The following RUNX1 variants were observed in gnomAD, a reference collection of about 807,000 sequenced individuals.
RUNX1 encodes RUNX family transcription factor 1, also known as runt-related transcription factor 1.
A neutral mutation model predicts 42.8 loss-of-function variants in RUNX1; 19 were observed. The ratio of observed to expected loss-of-function variants is 0.44; its 90% CI spans 0.31 to 0.65. The LOEUF (loss-of-function observed/expected upper bound fraction) is 0.65. Ranked by LOEUF, RUNX1 falls within the 30% of genes least tolerant of loss-of-function variation. RUNX1 has a pLI of 0.07. For synonymous variants in RUNX1, 271 were observed against 289.4 expected (o/e 0.94, Z 0.64); for missense variants, 528 against 672.0 (o/e 0.79, Z 2.37).
At chr21:34,951,372 T>C (rs2058605946) in intron 2 of RUNX1, among the ~76,000 whole-genome samples, 2 of 152,226 alleles carry the variant, frequency 1.3e-5, no homozygotes, top group South Asian at 4.1e-4. Context: ...TTTAATTAGA[T>C]CCCATTTGTC....
intron 5 of RUNX1, among the ~76,000 whole-genome samples, chr21:34,876,103 C>T (rs1569075643): frequency 6.6e-6 from 1 of 152,182 alleles, no homozygotes; most frequent in Non-Finnish European, 1.5e-5. Context: ...AGAAACTCAA[C>T]GCCATCCTGA....
At chr21:34,886,731 C>CG (rs2057994186) in intron 4 of RUNX1, 112 bp downstream of exon 4, 46 of 1,534,556 alleles carry the variant, frequency 3.0e-5, no homozygotes, top group Admixed American at 5.6e-5. Flanking sequence ...CCCGGGGCTG[C>CG]GGGGGCCCCT....
intron 2 of RUNX1, among the ~76,000 whole-genome samples, chr21:34,995,776 C>T (rs1231071937): frequency 6.6e-6 from 1 of 152,156 alleles, no homozygotes; most frequent in East Asian, 1.9e-4. Flanking sequence ...TCTTTAGATA[C>T]TGCAGTTTAC....
chr21:34,969,931 A>G (rs1244809579), intron 2 of RUNX1, among the ~76,000 whole-genome samples: 1 of 152,240 alleles, frequency 6.6e-6, no homozygotes, highest in East Asian at 1.9e-4. Flanking sequence ...TTTACAAGGT[A>G]TGGATCATAT....
chr21:34,967,353 G>GAAGAATAGC (rs1223779716), intron 2 of RUNX1, among the ~76,000 whole-genome samples: 1 of 56,772 alleles, frequency 1.8e-5, no homozygotes, highest in East Asian at 6.5e-4. Flanking sequence ...AAAAAAAAAA[G>GAAGAATAGC]AAGAATAGCG....
At chr21:34,803,785 G>A (rs1207470235) in intron 7 of RUNX1, among the ~76,000 whole-genome samples, 2 of 152,180 alleles carry the variant, frequency 1.3e-5, no homozygotes, top group African/African-American at 4.8e-5. Flanking sequence ...GTAGAGTTGA[G>A]GTTAGTGGTG....
In RUNX1 at chr21:34,990,953, T is replaced by A. The variant is rs535387322; in HGVS notation, c.58+57889A>T. 9.2e-5 allele frequency among the ~76,000 whole-genome samples: 14 copies of A among 152,334 alleles called. No homozygotes were observed. In the South Asian group the frequency reaches 2.9e-3, roughly 32 times the overall value. ...AGACAAATGCTCAGTAACTTTTTCA[T>A]AGAAACATCTGTAACTCTGTTCATG... On this transcript the variant is annotated intron_variant, in intron 2 of 8. Coordinates refer to ENST00000675419, the MANE Select transcript of RUNX1 (RefSeq NM_001754.5).
At chr21:34,837,569 A>G (rs766543206) in intron 6 of RUNX1, among the ~76,000 whole-genome samples, 30 of 152,352 alleles carry the variant, frequency 2.0e-4, no homozygotes, top group Non-Finnish European at 3.5e-4. Flanking sequence ...AGTTTCCTGT[A>G]TCTGTGTTCA....
intron 3 of RUNX1, among the ~76,000 whole-genome samples, chr21:34,890,340 A>G (rs1449201028): frequency 1.3e-5 from 2 of 152,122 alleles, no homozygotes; most frequent in African/African-American, 2.4e-5. Context: ...GTTCGAGGAT[A>G]AAAGACAGGA....
At chr21:35,009,237 T>A (rs1368704389) in intron 2 of RUNX1, among the ~76,000 whole-genome samples, 1 of 152,228 alleles carries the variant, frequency 6.6e-6, no homozygotes, top group African/African-American at 2.4e-5. Flanking sequence ...AGGATAAAAC[T>A]CTCTGCTAGA....
At chr21:34,931,251 C>T (rs1051788624) in intron 2 of RUNX1, among the ~76,000 whole-genome samples, 13 of 151,146 alleles carry the variant, frequency 8.6e-5, no homozygotes, top group Admixed American at 4.0e-4. Flanking sequence ...TTTTTCTAAG[C>T]GTCTGGAAGG....
intron 7 of RUNX1, among the ~76,000 whole-genome samples, chr21:34,832,617 A>T (rs1245230836): frequency 6.6e-6 from 1 of 152,192 alleles, no homozygotes; most frequent in African/African-American, 2.4e-5. Flanking sequence ...AGTTTAAATG[A>T]CCTTAAAGGC....
intron 4 of RUNX1, among the ~76,000 whole-genome samples, chr21:34,886,609 C>A (rs985702245): frequency 1.6e-4 from 24 of 152,236 alleles, no homozygotes; most frequent in Admixed American, 1.6e-3. Flanking sequence ...TTTGGGGACA[C>A]CCTGATGTTT....
chr21:34,854,793 C>A (rs1041332863), intron 6 of RUNX1, among the ~76,000 whole-genome samples: 6 of 152,000 alleles, frequency 3.9e-5, no homozygotes, highest in Non-Finnish European at 8.8e-5. Context: ...TGCCTCCACC[C>A]AAAAGGAATC....
chr21:34,797,976 G>A (rs118036297), intron 8 of RUNX1: 3 of 456,052 alleles, frequency 6.6e-6, no homozygotes, highest in Non-Finnish European at 1.3e-5. Context: ...CCCCAACAAA[G>A]AATTATTTGG....
chr21:34,892,078 T>G (rs1278433027), intron 3 of RUNX1, among the ~76,000 whole-genome samples: 3 of 152,228 alleles, frequency 2.0e-5, no homozygotes, highest in Non-Finnish European at 4.4e-5. Context: ...AGCAATATAT[T>G]TCCAAAATCA....
intron 2 of RUNX1, chr21:35,038,317 A>G (rs2059325302): frequency 3.1e-6 from 1 of 325,154 alleles, no homozygotes; most frequent in Non-Finnish European, 6.1e-6. Flanking sequence ...CTCCCTATCA[A>G]AGGCAACTCG....
chr21:34,861,964 T>C (rs1402446823), intron 5 of RUNX1, among the ~76,000 whole-genome samples: 2 of 151,642 alleles, frequency 1.3e-5, no homozygotes, highest in African/African-American at 4.9e-5. Flanking sequence ...CATGTAGCCC[T>C]CACAGAAAGG....
chr21:35,020,336 G>C (rs2059189447), intron 2 of RUNX1, among the ~76,000 whole-genome samples: 1 of 152,104 alleles, frequency 6.6e-6, no homozygotes, highest in African/African-American at 2.4e-5. Context: ...CTGGGCTGCT[G>C]TGACCCACGG....
Sources: allele counts gnomAD v4.1 joint callset (sites outside exome capture counted in the v4.1 genomes callset), GRCh38; gene constraint gnomAD v4.1.1; transcripts MANE v1.5; gene names NCBI Gene and HGNC (gene_info 2026-07-23, HGNC 2026-07-21).